The following CSNK1A1 variants were observed in gnomAD, a reference collection of about 807,000 sequenced individuals.
The protein encoded by CSNK1A1 is casein kinase 1 alpha 1, also known as casein kinase I isoform alpha.
CSNK1A1 carries 7 observed loss-of-function variants against 46.1 expected under a neutral mutation model. That is an observed-to-expected ratio of 0.15 (90% CI 0.09 to 0.29). The LOEUF is 0.29. Among genes scored for constraint, CSNK1A1 ranks in the 10% least tolerant of loss-of-function variants. CSNK1A1 has a pLI of 1.00. For synonymous variants in CSNK1A1, 137 were observed against 141.5 expected (o/e 0.97, Z 0.23); for missense variants, 96 against 417.1 (o/e 0.23, Z 6.71).
rs750410977 is a variant in CSNK1A1, at chr5:149,513,226, C to A, written c.457-17G>T. 2 of 1,607,238 alleles carry A rather than the reference C, an allele frequency of 1.2e-6. No homozygotes were observed. Among genetic ancestry groups the A allele is most frequent in the East Asian group, 2.2e-5 (1 of 44,750 alleles). ...AAGGAATAACTTTAAAAGAGAAATACAGAAACATTAGGTTTCCAACCTTGT... is the reference window on the plus strand; with the variant it reads ...AAGGAATAACTTTAAAAGAGAAATAAAGAAACATTAGGTTTCCAACCTTGT... On this transcript the variant is annotated splice_polypyrimidine_tract_variant and intron_variant, in intron 4 of 9. Coordinates refer to ENST00000377843, the MANE Select transcript of CSNK1A1 (RefSeq NM_001892.6).
intron 9 of CSNK1A1, chr5:149,501,665 T>TA (rs1342951199): frequency 2.1e-5 from 21 of 985,156 alleles, no homozygotes; most frequent in Non-Finnish European, 2.2e-5. Flanking sequence ...ATGATGAGAG[T>TA]ACAGAATAGT....
chr5:149,547,148 C>G (rs1157638230), intron 2 of CSNK1A1, among the ~76,000 whole-genome samples: 1 of 152,178 alleles, frequency 6.6e-6, no homozygotes, highest in African/African-American at 2.4e-5. Flanking sequence ...ACCAGTTCAC[C>G]AAGCTTTCTT....
intron 7 of CSNK1A1, among the ~76,000 whole-genome samples, chr5:149,507,843 G>T (rs1237691238): frequency 1.3e-5 from 2 of 151,980 alleles, no homozygotes; most frequent in African/African-American, 2.4e-5. Context: ...CTTTATAATT[G>T]AACATTTGGA....
chr5:149,549,858 G>A (rs1189085271), intron 2 of CSNK1A1, among the ~76,000 whole-genome samples: 1 of 152,186 alleles, frequency 6.6e-6, no homozygotes, highest in Admixed American at 6.5e-5. Flanking sequence ...GAGAATGACG[G>A]AAGCGAAATG....
At position 149,544,870 on chromosome 5, in the gene CSNK1A1, C is replaced by T. The variant is rs139196294; in HGVS notation, c.230+5205G>A. Among the ~76,000 whole-genome samples the T allele has an allele frequency of 4.2e-3, 632 of 149,936 alleles. 5 individuals are homozygous for T. The highest frequency in any genetic ancestry group is 0.015 in the African/African-American group (604 of 40,566). On this transcript the variant is annotated intron_variant, in intron 2 of 9. Coordinates refer to ENST00000377843, the MANE Select transcript of CSNK1A1 (RefSeq NM_001892.6). Reference sequence around the variant, plus strand: ...TATACTTGGGGCCAGGTGCAGTGGTCCATGCCTGTAATCCCAGCACTTTGG... The same window carrying T: ...TATACTTGGGGCCAGGTGCAGTGGTTCATGCCTGTAATCCCAGCACTTTGG...
At chr5:149,501,520 A>AC in intron 9 of CSNK1A1, 1 of 985,456 alleles carries the variant, frequency 1.0e-6, no homozygotes. Context: ...AAGACTGTGG[A>AC]CATGGTAGGT....
In CSNK1A1 at chr5:149,544,816, G is replaced by A. The variant is rs189272782; in HGVS notation, c.230+5259C>T. 7.2e-3 allele frequency among the ~76,000 whole-genome samples: 1,046 copies of A among 144,784 alleles called. 5 individuals are homozygous for A. Among genetic ancestry groups the A allele is most frequent in the Non-Finnish European group, 0.011 (714 of 66,962 alleles). The allele number at this position is 144,784 out of a possible 152,430, so 95.0% of individuals were successfully genotyped here. On this transcript the variant is annotated intron_variant, in intron 2 of 9. Transcript: ENST00000377843. ...GAAGCTTCCAGTGAACAGTAGGCTA[G>A]TAGTAGTTAAGCTTTTGGGGAGTCA...
rs1262010227 is a variant in CSNK1A1 at position 149,517,728 on chromosome 5, TA to T, written c.456+2561del. On this transcript the variant is annotated intron_variant, in intron 4 of 9. Coordinates refer to ENST00000377843, the MANE Select transcript of CSNK1A1 (RefSeq NM_001892.6). This position sits in a 1 kb window ranked among gnomAD's most constrained non-coding sequence, Gnocchi z 4.4. The stretch of plus-strand genomic sequence containing the variant: ...TAAAACAAAACAAAAATCATCAAAA[TA>T]AAACAATAAAAAAGAAAAGCACATG... 1.9e-6 allele frequency: 2 copies of T among 1,040,120 alleles called. No individual in the cohort carries two copies. Among genetic ancestry groups the T allele is most frequent in the African/African-American group, 1.6e-5 (1 of 62,038 alleles). The allele number at this position is 1,040,120 out of a possible 1,614,324, so 64.4% of individuals were successfully genotyped here. A position where few individuals can be genotyped will look rare whatever the true frequency, so the allele number is the denominator to read the frequency against.
chr5:149,498,177 G>C (rs953609783), intron 9 of CSNK1A1: 1 of 985,042 alleles, frequency 1.0e-6, no homozygotes, highest in Non-Finnish European at 1.2e-6. Flanking sequence ...CATGGGCTTT[G>C]TGGGAGAAAC....
Position 149,496,722 on chromosome 5 carries a change from T to G in CSNK1A1, c.*131A>C. The G allele has an allele frequency of 7.7e-7, 1 of 1,294,384 alleles. No individual in the cohort carries two copies. The highest frequency in any genetic ancestry group is 1.0e-6 in the Non-Finnish European group (1 of 957,688). The allele number at this position is 1,294,384 out of a possible 1,614,324, so 80.2% of individuals were successfully genotyped here. ...AGAGTCAGTTTATACTGAAATTAAG[T>G]TCTTTACACCAAGTAAATGGTTGTC... is the stretch of plus-strand genomic sequence containing the variant. On this transcript the variant is annotated 3_prime_UTR_variant, in exon 10 of 10. Coordinates refer to ENST00000377843, the MANE Select transcript of CSNK1A1 (RefSeq NM_001892.6).
At chr5:149,535,047 T>C (rs1762023231) in intron 2 of CSNK1A1, among the ~76,000 whole-genome samples, 1 of 152,172 alleles carries the variant, frequency 6.6e-6, no homozygotes, top group Non-Finnish European at 1.5e-5. Flanking sequence ...GACCCAATCA[T>C]TGAGTCAAGT....
chr5:149,498,757 T>A lies in CSNK1A1; in HGVS notation c.1007-1897A>T, dbSNP rs1009451338. The A allele has an allele frequency of 8.1e-6, 8 of 985,184 alleles. No homozygotes were observed. The African/African-American group carries it at 1.2e-4, about 15-fold the overall frequency. The allele number at this position is 985,184 out of a possible 1,614,324, so 61.0% of individuals were successfully genotyped here. A position where few individuals can be genotyped will look rare whatever the true frequency, so the allele number is the denominator to read the frequency against. ...AATCATATTAAACTAATTGTTATGG[T>A]GAATATACCAAATGGCTTTCAAAGG... On this transcript the variant is annotated intron_variant, in intron 9 of 9. Coordinates refer to ENST00000377843, the MANE Select transcript of CSNK1A1 (RefSeq NM_001892.6).
chr5:149,500,884 A>AT (rs2113051140), intron 9 of CSNK1A1: 1 of 731,220 alleles, frequency 1.4e-6, no homozygotes, highest in South Asian at 6.1e-5. Context: ...GGAAAGATAA[A>AT]TGACAATTTT....
Position 149,517,939 on chromosome 5 carries a change from C to G in CSNK1A1, c.456+2351G>C, listed in dbSNP as rs1270997381. The G allele has an allele frequency of 2.8e-6, 3 of 1,069,186 alleles. No individual in the cohort carries two copies. The highest frequency in any genetic ancestry group is 1.3e-5 in the South Asian group (1 of 74,166). 66.2% of individuals were successfully genotyped at this position (1,069,186 alleles called of 1,614,324 possible). A position where few individuals can be genotyped will look rare whatever the true frequency, so the allele number is the denominator to read the frequency against. ...GTATTGCTTACATTGCAACAATGGC[C>G]GGCGCAGACAGGCAACACCGAGGCA... On this transcript the variant is annotated intron_variant, in intron 4 of 9. Transcript: ENST00000377843. This position sits in a 1 kb window ranked among gnomAD's most constrained non-coding sequence, Gnocchi z 4.4.
chr5:149,530,901 G>C (rs958608138), intron 2 of CSNK1A1, among the ~76,000 whole-genome samples: 3 of 138,640 alleles, frequency 2.2e-5, no homozygotes, highest in African/African-American at 8.0e-5. Context: ...AGGCAGCAGA[G>C]GTTGCCATGA....
intron 9 of CSNK1A1, chr5:149,502,384 A>C: frequency 2.3e-6 from 2 of 862,556 alleles, no homozygotes; most frequent in Non-Finnish European, 2.8e-6. Flanking sequence ...TCTGTTGCCC[A>C]GGCTGGAGTG....
intron 2 of CSNK1A1, among the ~76,000 whole-genome samples, chr5:149,540,496 C>A (rs1762195058): frequency 6.6e-6 from 1 of 152,116 alleles, no homozygotes; most frequent in Admixed American, 6.5e-5. Flanking sequence ...GCAACACAAC[C>A]ACCATCTGAT....
At chr5:149,502,665 G>A in intron 9 of CSNK1A1, 1 of 984,122 alleles carries the variant, frequency 1.0e-6, no homozygotes, top group African/African-American at 1.7e-5. Flanking sequence ...ATGAGCCACT[G>A]CGCCTGTCCT....
intron 6 of CSNK1A1, among the ~76,000 whole-genome samples, chr5:149,510,556 T>C (rs1761186566): frequency 6.6e-6 from 1 of 152,134 alleles, no homozygotes. Context: ...TAGCTCGCTG[T>C]AGCCTCGAAC....
Sources: allele counts gnomAD v4.1 joint callset (sites outside exome capture counted in the v4.1 genomes callset), GRCh38; gene constraint gnomAD v4.1.1; non-coding constraint Gnocchi (gnomAD v3.1); transcripts MANE v1.5; gene names NCBI Gene and HGNC (gene_info 2026-07-23, HGNC 2026-07-21).